FNTB: variants seen among roughly 807,000 people sequenced by gnomAD.
FNTB encodes protein farnesyltransferase subunit beta.
A neutral mutation model predicts 59.4 loss-of-function variants in FNTB; 27 were observed. That is an observed-to-expected ratio of 0.45 (90% CI 0.34 to 0.63). The LOEUF is 0.63. Ranked by LOEUF, FNTB falls within the 20% of genes least tolerant of loss-of-function variation. The pLI is 0.02. For missense variants in FNTB, 449 were observed against 559.6 expected, an observed-to-expected ratio of 0.80 and a Z score of 1.99; for synonymous variants, 230 against 220.7, an observed-to-expected ratio of 1.04 and a Z score of -0.37.
At chr14:65,015,511 G>A in intron 3 of FNTB, 114 bp from the exon 4 acceptor site, 1 of 883,762 alleles carries the variant, frequency 1.1e-6, no homozygotes. Flanking sequence ...GTTTGAGCAA[G>A]GGTGCCCTCC....
chr14:65,044,267 T>G lies in FNTB; in HGVS notation c.823-44T>G. The G allele has an allele frequency of 2.5e-6, 4 of 1,606,784 alleles. No individual in the cohort carries two copies. The highest frequency in any genetic ancestry group is 3.4e-6 in the Non-Finnish European group (4 of 1,177,106). ...GGAGATTCTGTCGGGCTGGATTTTGTCTCTTTTAGCCTACAACTGCCTTTC... is the reference window on the plus strand; with the variant it reads ...GGAGATTCTGTCGGGCTGGATTTTGGCTCTTTTAGCCTACAACTGCCTTTC... On this transcript the variant is annotated intron_variant, in intron 8 of 11. Coordinates refer to ENST00000246166, the MANE Select transcript of FNTB (RefSeq NM_002028.4). This position sits in a 1 kb window ranked among gnomAD's most constrained non-coding sequence, Gnocchi z 5.5.
chr14:65,016,782 C>T (rs1184981153), intron 4 of FNTB, among the ~76,000 whole-genome samples: 1 of 152,148 alleles, frequency 6.6e-6, no homozygotes, highest in Non-Finnish European at 1.5e-5. Flanking sequence ...ACGTAGGATG[C>T]TTTCTGAGGG....
Position 65,054,812 on chromosome 14 carries a change from TG to T in FNTB, c.1182+124del, listed in dbSNP as rs1270461895. The T allele has an allele frequency of 1.1e-5, 12 of 1,090,506 alleles. No individual in the cohort carries two copies. The African/African-American group carries it at 1.4e-4, about 13-fold the overall frequency. The allele number at this position is 1,090,506 out of a possible 1,614,324, so 67.6% of individuals were successfully genotyped here. A position where few individuals can be genotyped will look rare whatever the true frequency, so the allele number is the denominator to read the frequency against. Reference sequence around the variant, plus strand: ...GACAGGCGGAAGCTTGTGGTCCCTCTGCCCTTCGAGCTGTGCAGCCGTTAGT... The same window carrying T: ...GACAGGCGGAAGCTTGTGGTCCCTCTCCCTTCGAGCTGTGCAGCCGTTAGT... On this transcript the variant is annotated intron_variant, in intron 11 of 11. Transcript: ENST00000246166. This position sits in a 1 kb window ranked among gnomAD's most constrained non-coding sequence, Gnocchi z 4.4.
chr14:65,007,487 T>C lies in FNTB; in HGVS notation c.209+3174T>C, dbSNP rs1297137054. ...CTGAAGTAGGCATTTGCCTATTCAG[T>C]GTTCCAGGGCCAAAGCTGAATAGCA... On this transcript the variant is annotated intron_variant, in intron 2 of 11. Transcript: ENST00000246166. This position sits in a 1 kb window ranked among gnomAD's most constrained non-coding sequence, Gnocchi z 4.9. 2.6e-5 allele frequency among the ~76,000 whole-genome samples: 4 copies of C among 152,178 alleles called. No individual in the cohort carries two copies. The highest frequency in any genetic ancestry group is 9.7e-5 in the African/African-American group (4 of 41,450).
chr14:65,010,593 A>G (rs540168556), intron 2 of FNTB, among the ~76,000 whole-genome samples: 7 of 152,260 alleles, frequency 4.6e-5, no homozygotes, highest in Admixed American at 1.3e-4. Context: ...ATATTTTCAG[A>G]TACTTCAGTT....
intron 4 of FNTB, among the ~76,000 whole-genome samples, chr14:65,021,397 C>T (rs563489292): frequency 6.6e-6 from 1 of 152,156 alleles, no homozygotes; most frequent in African/African-American, 2.4e-5. Flanking sequence ...TTGTTAGTAG[C>T]TTATCCCCGG....
At position 65,040,778 on chromosome 14, in the gene FNTB, A is replaced by G. The variant is rs1457403399; in HGVS notation, c.693-12A>G. 1.3e-5 allele frequency: 21 copies of G among 1,609,692 alleles called. No individual in the cohort carries two copies. Among genetic ancestry groups the G allele is most frequent in the African/African-American group, 4.0e-5 (3 of 74,680 alleles). ...CTGGCCACTCATTCTGCTTTTCTCA[A>G]TCTCTTCTTAGGTGTCAGAACTGGG... On this transcript the variant is annotated splice_polypyrimidine_tract_variant and intron_variant, in intron 7 of 11. Transcript: ENST00000246166.
At chr14:65,013,148 T>C (rs2061709921) in intron 3 of FNTB, among the ~76,000 whole-genome samples, 1 of 152,108 alleles carries the variant, frequency 6.6e-6, no homozygotes, top group Admixed American at 6.6e-5. Context: ...ATTTGATTAT[T>C]TGTGGCAATG....
chr14:64,990,230 C>G lies in FNTB; in HGVS notation c.144+3133C>G, dbSNP rs1021660517. ...AGATGGAGAGCCACTTGGCTGTATA[C>G]CTGCCATTTACTGCCCCAGATTCAC... On this transcript the variant is annotated intron_variant, in intron 1 of 11. Transcript: ENST00000246166. This position sits in a 1 kb window ranked among gnomAD's most constrained non-coding sequence, Gnocchi z 5.2. Among the ~76,000 whole-genome samples, 1 of 152,174 alleles carries G rather than the reference C, an allele frequency of 6.6e-6. No homozygotes were observed. Among genetic ancestry groups the G allele is most frequent in the African/African-American group, 2.4e-5 (1 of 41,432 alleles).
rs1484240242 is a variant in FNTB, at chr14:64,991,286, T to C, written c.144+4189T>C. Reference sequence around the variant, plus strand: ...CTTGATCCCTGCCCTCAAAATTCTTTTATCTTAGAGAGATAAAAAAGAATA... The same window carrying C: ...CTTGATCCCTGCCCTCAAAATTCTTCTATCTTAGAGAGATAAAAAAGAATA... On this transcript the variant is annotated intron_variant, in intron 1 of 11. Transcript: ENST00000246166. This position sits in a 1 kb window ranked among gnomAD's most constrained non-coding sequence, Gnocchi z 4.4. Among the ~76,000 whole-genome samples the C allele has an allele frequency of 6.6e-6, 1 of 152,122 alleles. No individual in the cohort carries two copies. Among genetic ancestry groups the C allele is most frequent in the African/African-American group, 2.4e-5 (1 of 41,412 alleles).
intron 1 of FNTB, among the ~76,000 whole-genome samples, chr14:64,992,241 A>T (rs78693764): frequency 6.6e-6 from 1 of 152,206 alleles, no homozygotes; most frequent in Non-Finnish European, 1.5e-5. Context: ...AAATTTCCCC[A>T]TTAAAAAGTC....
chr14:65,003,159 C>T (rs1168688740), intron 1 of FNTB, among the ~76,000 whole-genome samples: 1 of 152,140 alleles, frequency 6.6e-6, no homozygotes, highest in African/African-American at 2.4e-5. Flanking sequence ...TCTTTTGTGA[C>T]CTGACTTTCT....
At chr14:65,043,493 A>T (rs954489667) in intron 8 of FNTB, among the ~76,000 whole-genome samples, 1 of 152,194 alleles carries the variant, frequency 6.6e-6, no homozygotes, top group Admixed American at 6.5e-5. Flanking sequence ...CCAGGTGCCA[A>T]GTAAAAGTCA....
At chr14:65,003,027 G>T (rs1433795181) in intron 1 of FNTB, among the ~76,000 whole-genome samples, 1 of 152,218 alleles carries the variant, frequency 6.6e-6, no homozygotes, top group Non-Finnish European at 1.5e-5. Flanking sequence ...GGGCTGAAGT[G>T]CAGCCTGATT....
rs2062054649 is a variant in FNTB, at chr14:65,030,289, C to T, written c.606-2321C>T. Among the ~76,000 whole-genome samples the T allele has an allele frequency of 6.6e-6, 1 of 152,228 alleles. No individual in the cohort carries two copies. Among genetic ancestry groups the T allele is most frequent in the East Asian group, 1.9e-4 (1 of 5,202 alleles). On this transcript the variant is annotated intron_variant, in intron 6 of 11. Transcript: ENST00000246166. This position sits in a 1 kb window ranked among gnomAD's most constrained non-coding sequence, Gnocchi z 4.5. The stretch of plus-strand genomic sequence containing the variant: ...ACATTTGGCATTGGCACTTGTGACT[C>T]TTGTGTGCTCCCAATGCCTGCTGGT...
At chr14:64,988,834 T>C (rs1888064718) in intron 1 of FNTB, among the ~76,000 whole-genome samples, 1 of 152,228 alleles carries the variant, frequency 6.6e-6, no homozygotes, top group African/African-American at 2.4e-5. Context: ...GAGTCTAGGA[T>C]GAACAGTTTC....
chr14:65,056,998 C>T (rs1284260272), intron 11 of FNTB, among the ~76,000 whole-genome samples: 1 of 152,200 alleles, frequency 6.6e-6, no homozygotes, highest in East Asian at 1.9e-4. Flanking sequence ...TGAGAGCATC[C>T]TGGCTTTATA....
chr14:65,056,301 C>G (rs2062735519), intron 11 of FNTB, among the ~76,000 whole-genome samples: 1 of 152,136 alleles, frequency 6.6e-6, no homozygotes, highest in South Asian at 2.1e-4. Context: ...CAGTGTGTTT[C>G]TCTGTTCTCC....
At chr14:65,045,125 A>G (rs949725961) in intron 9 of FNTB, among the ~76,000 whole-genome samples, 1 of 152,058 alleles carries the variant, frequency 6.6e-6, no homozygotes. Context: ...GTCTGGGAAC[A>G]TTCTCTCTCT....
Sources: allele counts gnomAD v4.1 joint callset (sites outside exome capture counted in the v4.1 genomes callset), GRCh38; gene constraint gnomAD v4.1.1; non-coding constraint Gnocchi (gnomAD v3.1); transcripts MANE v1.5; gene names NCBI Gene and HGNC (gene_info 2026-07-23, HGNC 2026-07-21).